Variants in NBPF3 observed in about 807,000 individuals in gnomAD.
The protein encoded by NBPF3 is NBPF family member NBPF3.
NBPF3 carries 57 observed loss-of-function variants against 78.1 expected under a neutral mutation model. The ratio of observed to expected loss-of-function variants is 0.73; its 90% CI spans 0.59 to 0.91. The LOEUF is 0.91. NBPF3 is among the 40% of genes least tolerant of loss of function. The probability of loss-of-function intolerance (pLI) is 0.00; values close to 1 mark genes in which losing one functional copy is unlikely to be tolerated. For synonymous variants in NBPF3, 182 were observed against 271.7 expected (o/e 0.67, Z 3.25); for missense variants, 510 against 715.3 (o/e 0.71, Z 3.27).
intron 2 of NBPF3, chr1:21,446,550 C>G (rs1640993328): frequency 7.1e-6 from 1 of 140,012 alleles, no homozygotes; most frequent in Non-Finnish European, 1.6e-5. Context: ...CTCCCACCCA[C>G]CCTCCCTCCC....
chr1:21,476,646 A>C lies in NBPF3; in HGVS notation c.993-1498A>C, dbSNP rs1246114296. Among the ~76,000 whole-genome samples the C allele has an allele frequency of 6.6e-6, 1 of 152,196 alleles. No individual in the cohort carries two copies. Among genetic ancestry groups the C allele is most frequent in the East Asian group, 1.9e-4 (1 of 5,200 alleles). Reference sequence around the variant, plus strand: ...TTGTAGGGTTTCTGCAGAGAGATCCACTGTTAGTCTGGTGGGCTTCCCTTA... The same window carrying C: ...TTGTAGGGTTTCTGCAGAGAGATCCCCTGTTAGTCTGGTGGGCTTCCCTTA... On this transcript the variant is annotated intron_variant, in intron 8 of 14. Transcript: ENST00000318249. This position sits in a 1 kb window ranked among gnomAD's most constrained non-coding sequence, Gnocchi z 4.1.
intron 4 of NBPF3, 36 bp from the exon 5 acceptor site, chr1:21,471,533 T>A (rs758229156): frequency 5.0e-6 from 8 of 1,611,644 alleles, no homozygotes; most frequent in Non-Finnish European, 6.8e-6. Context: ...ACTCATCCCT[T>A]TCCACTGTTA....
At chr1:21,437,762 C>T (rs942709758), upstream of NBPF3, among the ~76,000 whole-genome samples, 1 of 151,804 alleles carries the variant, frequency 6.6e-6, no homozygotes, top group Non-Finnish European at 1.5e-5. Flanking sequence ...TCGTGCCATT[C>T]TCCTGCCTCA....
Position 21,478,134 on chromosome 1 carries a change from G to C in NBPF3, c.993-10G>C. The C allele has an allele frequency of 6.2e-7, 1 of 1,613,828 alleles. No individual in the cohort carries two copies. Among genetic ancestry groups the C allele is most frequent in the Non-Finnish European group, 8.5e-7 (1 of 1,180,020 alleles). On this transcript the variant is annotated splice_polypyrimidine_tract_variant and intron_variant, in intron 8 of 14. Coordinates refer to ENST00000318249, the MANE Select transcript of NBPF3 (RefSeq NM_032264.6). ...ATCTTCTGTCATCCCTGTCCTGCCT[G>C]GCTCATCAGGAATCTGCAGGAGTCT... is the stretch of plus-strand genomic sequence containing the variant.
At chr1:21,453,093 G>A (rs778419257) in intron 2 of NBPF3, among the ~76,000 whole-genome samples, 47 of 152,006 alleles carry the variant, frequency 3.1e-4, no homozygotes, top group Non-Finnish European at 2.4e-4. Context: ...TCCACTGTCC[G>A]CTCATTTCCA....
At position 21,483,097 on chromosome 1, in the gene NBPF3, G is replaced by A. The variant is rs150647738; in HGVS notation, c.1659-46G>A. 9.5e-3 allele frequency: 15,288 copies of A among 1,611,052 alleles called. 145 individuals carry two copies. Among genetic ancestry groups the A allele is most frequent in the Non-Finnish European group, 0.012 (13,686 of 1,179,218 alleles). ...TGAAATCTAGTTGGGGCTCTGTGGT[G>A]TCTGATTTTCCCTGGCTGCTTCTTT... On this transcript the variant is annotated intron_variant, in intron 14 of 14. Transcript: ENST00000318249.
chr1:21,437,486 C>A, upstream of NBPF3: 1 of 1,463,296 alleles, frequency 6.8e-7, no homozygotes, highest in South Asian at 1.2e-5. Flanking sequence ...CGAGGACGCC[C>A]AGCGCGAGGT....
chr1:21,445,339 A>C, intron 2 of NBPF3, 120 bp downstream of exon 2: 1 of 1,117,142 alleles, frequency 9.0e-7, no homozygotes, highest in Non-Finnish European at 1.3e-6. Flanking sequence ...CCTGGCATGA[A>C]ACAGATATTA....
rs139898385 is a variant in NBPF3, at chr1:21,472,853, C to G, written c.672C>G (p.Asp224Glu). 3,595 of 1,610,008 alleles carry G rather than the reference C, an allele frequency of 2.2e-3. 4 individuals carry two copies. Among genetic ancestry groups the G allele is most frequent in the Non-Finnish European group, 2.8e-3 (3,257 of 1,176,396 alleles). Residue 224 changes from aspartate to glutamate, a missense_variant, in exon 6 of 15, where the codon GAC becomes GAG. By Grantham distance (45) the Asp-to-Glu change is conservative (BLOSUM62 2). Transcript: ENST00000318249. The stretch of plus-strand genomic sequence containing the variant: ...CTTCTGTATTTACAGAAAATGATGA[C>G]GATGAGGATGAAGATGTTAAAGTTG... Reference protein sequence around the residue: ...LVQKLSPENDDDEDEDVKVEE... With the variant: ...LVQKLSPENDEDEDEDVKVEE...
chr1:21,481,443 G>T (rs1219602410), intron 12 of NBPF3, among the ~76,000 whole-genome samples, 154 bp from the exon 13 acceptor site: 24 of 151,664 alleles, frequency 1.6e-4, no homozygotes, highest in Admixed American at 4.6e-4. Flanking sequence ...TTGGCCCTGT[G>T]CCATCCCAAC....
intron 3 of NBPF3, among the ~76,000 whole-genome samples, chr1:21,470,130 A>G (rs936762991): frequency 3.3e-5 from 5 of 152,214 alleles, no homozygotes; most frequent in Non-Finnish European, 7.3e-5. Context: ...TTTATGCTTC[A>G]GATGTGATTC....
At chr1:21,469,012 A>T (rs1642440642) in intron 3 of NBPF3, 115 bp downstream of exon 3, 1 of 832,084 alleles carries the variant, frequency 1.2e-6, no homozygotes, top group East Asian at 2.5e-5. Flanking sequence ...ACTTCTAGGA[A>T]AATAGAAATG....
intron 3 of NBPF3, among the ~76,000 whole-genome samples, chr1:21,469,993 C>T (rs1558497383): frequency 6.9e-6 from 1 of 143,990 alleles, no homozygotes. Context: ...TCTTGTCAAT[C>T]TCCTAGAACT....
intron 9 of NBPF3, 144 bp downstream of exon 9, chr1:21,478,451 T>G: frequency 9.5e-7 from 1 of 1,048,684 alleles, no homozygotes; most frequent in Non-Finnish European, 1.5e-6. Flanking sequence ...TTTCAATCAC[T>G]CTGGAATCGA....
At chr1:21,479,744 T>C (rs1643079625) in intron 10 of NBPF3, among the ~76,000 whole-genome samples, 1 of 152,074 alleles carries the variant, frequency 6.6e-6, no homozygotes, top group Non-Finnish European at 1.5e-5. Flanking sequence ...TAGAGTGTTC[T>C]TTGACTCTCT....
chr1:21,448,465 G>A (rs1233472885), intron 2 of NBPF3, among the ~76,000 whole-genome samples: 2 of 152,040 alleles, frequency 1.3e-5, no homozygotes, highest in African/African-American at 2.4e-5. Context: ...TCTGGGCTCT[G>A]TATTCCTTTT....
chr1:21,438,751 G>A (rs1558467525), upstream of NBPF3, among the ~76,000 whole-genome samples: 1 of 152,172 alleles, frequency 6.6e-6, no homozygotes, highest in Non-Finnish European at 1.5e-5. Context: ...CACGTGGCTC[G>A]TCCTGATCTG....
chr1:21,445,134 C>A lies in NBPF3; in HGVS notation c.48C>A (p.Gly16=). 1 of 1,611,936 alleles carries A rather than the reference C, an allele frequency of 6.2e-7. No homozygotes were observed. Among genetic ancestry groups the A allele is most frequent in the Non-Finnish European group, 8.5e-7 (1 of 1,179,828 alleles). ...TVQGFQWTLR[G]PDVETSPFGA... is the part of the protein sequence containing the mutation. ...AGGGCTTCCAGTGGACTCTCCGAGG[C>A]CCTGATGTAGAAACTTCCCCATTCG... The change falls in exon 2 of 15, where the codon GGC becomes GGA. Residue 16 remains glycine (G), a synonymous_variant. Coordinates refer to ENST00000318249, the MANE Select transcript of NBPF3 (RefSeq NM_032264.6).
intron 1 of NBPF3, 99 bp downstream of exon 1, chr1:21,440,447 G>A (rs1289429392): frequency 6.6e-6 from 1 of 151,114 alleles, no homozygotes; most frequent in Non-Finnish European, 1.5e-5. Flanking sequence ...TTGCGCGAGC[G>A]CGGGGGCGGG....
Sources: gnomAD v4.1 joint callset for allele counts (sites outside exome capture counted in the v4.1 genomes callset) on GRCh38, gnomAD v4.1.1 for gene constraint, Gnocchi (gnomAD v3.1) non-coding constraint, MANE v1.5 for transcripts, NCBI Gene and HGNC (gene_info 2026-07-23, HGNC 2026-07-21) for gene names.